The following CFAP61 variants were observed in gnomAD, a reference collection of about 807,000 sequenced individuals.
CFAP61 encodes the protein cilia- and flagella-associated protein 61.
CFAP61 carries 107 observed loss-of-function variants against 135.6 expected under a neutral mutation model. The observed-to-expected ratio is 0.79, with a 90% confidence interval of 0.67 to 0.93. The LOEUF is 0.93. Ranked by LOEUF, CFAP61 falls within the 40% of genes least tolerant of loss-of-function variation. The pLI is 0.00. For missense variants in CFAP61, 1,507 were observed against 1,556.2 expected (o/e 0.97, Z 0.53); for synonymous variants, 575 against 578.5 (o/e 0.99, Z 0.09).
rs368558429 is a variant in CFAP61 at position 20,231,449 on chromosome 20, C to CTGGTGAT, written c.2060+3074_2060+3080dup. On this transcript the variant is annotated intron_variant, in intron 18 of 26. Coordinates refer to ENST00000245957, the MANE Select transcript of CFAP61 (RefSeq NM_015585.4). ...CCTCCGTGCCCTCCTGCTCCTGGCCCTGGTGATCCCCAGCAGAGCCGAGGA... is the reference window on the plus strand; with the variant it reads ...CCTCCGTGCCCTCCTGCTCCTGGCCCTGGTGATTGGTGATCCCCAGCAGAGCCGAGGA... Among the ~76,000 whole-genome samples, 1,108 of 152,258 alleles carry CTGGTGAT rather than the reference C, an allele frequency of 7.3e-3. 14 individuals carry two copies. The highest frequency in any genetic ancestry group is 0.025 in the African/African-American group (1,057 of 41,524).
intron 22 of CFAP61, among the ~76,000 whole-genome samples, chr20:20,285,105 T>A (rs965763322): frequency 6.6e-6 from 1 of 152,044 alleles, no homozygotes. Context: ...TTGAAGATGC[T>A]TTTCCACCAT....
rs138324890 is a variant in CFAP61 at position 20,164,915 on chromosome 20, A to G, written c.1205+687A>G. Among the ~76,000 whole-genome samples the G allele has an allele frequency of 3.0e-3, 451 of 152,358 alleles. 2 individuals are homozygous for G. The highest frequency in any genetic ancestry group is 1.0e-2 in the African/African-American group (414 of 41,582). The stretch of plus-strand genomic sequence containing the variant: ...GCAGGCAAAGAGACAATGAGAGCCA[A>G]GTGAAAGGGGTTTCCCCTTATAAAA... On this transcript the variant is annotated intron_variant, in intron 11 of 26. Coordinates refer to ENST00000245957, the MANE Select transcript of CFAP61 (RefSeq NM_015585.4).
chr20:20,082,826 T>G (rs551970544), intron 6 of CFAP61, among the ~76,000 whole-genome samples: 6 of 152,218 alleles, frequency 3.9e-5, no homozygotes, highest in Non-Finnish European at 7.4e-5. Flanking sequence ...GGCCATAATT[T>G]AAAAGTCAAA....
chr20:20,360,195 T>C lies in CFAP61; in HGVS notation c.3514-15T>C, dbSNP rs751890393. The C allele has an allele frequency of 1.6e-5, 26 of 1,604,628 alleles. No individual in the cohort carries two copies. The highest frequency in any genetic ancestry group is 2.1e-5 in the Non-Finnish European group (25 of 1,171,616). ...CAATTAATTTCTGTATCTGGCCTCTTACTGTGTTTTACAGGAGGAAGATCT... is the reference window on the plus strand; with the variant it reads ...CAATTAATTTCTGTATCTGGCCTCTCACTGTGTTTTACAGGAGGAAGATCT... On this transcript the variant is annotated splice_polypyrimidine_tract_variant and intron_variant, in intron 26 of 26. Coordinates refer to ENST00000245957, the MANE Select transcript of CFAP61 (RefSeq NM_015585.4).
At chr20:20,244,669 T>C (rs1038216663) in intron 18 of CFAP61, among the ~76,000 whole-genome samples, 1 of 152,236 alleles carries the variant, frequency 6.6e-6, no homozygotes, top group Admixed American at 6.5e-5. Flanking sequence ...TTTTCCATTG[T>C]CTTGGGGATT....
chr20:20,123,958 T>C (rs887020992), intron 8 of CFAP61, among the ~76,000 whole-genome samples: 3 of 148,722 alleles, frequency 2.0e-5, no homozygotes, highest in African/African-American at 7.5e-5. Flanking sequence ...TTCTTGGTTA[T>C]GTATATTCCT....
At chr20:20,162,421 A>C (rs2053480797) in intron 10 of CFAP61, among the ~76,000 whole-genome samples, 1 of 152,170 alleles carries the variant, frequency 6.6e-6, no homozygotes, top group African/African-American at 2.4e-5. Flanking sequence ...GGCCCAAGGA[A>C]AATGCCTTCA....
At chr20:20,164,021 C>T in intron 10 of CFAP61, 29 bp from the exon 11 acceptor site, 4 of 1,569,314 alleles carry the variant, frequency 2.5e-6, no homozygotes, top group Non-Finnish European at 3.5e-6. Context: ...ACAGGATTCT[C>T]ATTGGCTCCT....
chr20:20,130,621 C>T lies in CFAP61; in HGVS notation c.860-12236C>T, dbSNP rs6112778. ...TGCTAGGTAGCTGCCTCCTTTTTGG[C>T]ACTAGATGGCACTTTAAGCCCAGGT... On this transcript the variant is annotated intron_variant, in intron 8 of 26. Transcript: ENST00000245957. Among the ~76,000 whole-genome samples, 245 of 151,740 alleles carry T rather than the reference C, an allele frequency of 1.6e-3. 5 individuals are homozygous for T. Among genetic ancestry groups the T allele is most frequent in the African/African-American group, 5.9e-3 (241 of 41,086 alleles).
intron 6 of CFAP61, among the ~76,000 whole-genome samples, chr20:20,079,990 A>G (rs2046322002): frequency 6.6e-6 from 1 of 152,308 alleles, no homozygotes; most frequent in South Asian, 2.1e-4. Context: ...TTTTTAAATT[A>G]CAAGAATCTC....
chr20:20,083,670 A>G (rs1365532909), intron 6 of CFAP61, among the ~76,000 whole-genome samples: 1 of 152,190 alleles, frequency 6.6e-6, no homozygotes, highest in African/African-American at 2.4e-5. Context: ...ATGAATAATT[A>G]TGAATATCCT....
At chr20:20,257,620 C>CAAAAAAAAAAAAA (rs147860452) in intron 20 of CFAP61, among the ~76,000 whole-genome samples, 7 of 58,070 alleles carry the variant, frequency 1.2e-4, no homozygotes, top group South Asian at 5.5e-4. Context: ...TCAAAAAAAA[C>CAAAAAAAAAAAAA]AAAAAAACAA....
intron 25 of CFAP61, among the ~76,000 whole-genome samples, chr20:20,338,384 G>A (rs1384411433): frequency 6.6e-6 from 1 of 152,228 alleles, no homozygotes; most frequent in Non-Finnish European, 1.5e-5. Flanking sequence ...TGTCAGCTGG[G>A]GAGCCTGTGA....
chr20:20,313,197 ATCTC>A (rs1272405151), intron 25 of CFAP61, among the ~76,000 whole-genome samples: 2 of 152,136 alleles, frequency 1.3e-5, no homozygotes, highest in Non-Finnish European at 2.9e-5. Context: ...TTCTCTCTCT[ATCTC>A]TCTCTCTGTC....
intron 25 of CFAP61, among the ~76,000 whole-genome samples, chr20:20,311,866 T>C (rs1185638180): frequency 1.3e-5 from 2 of 152,166 alleles, no homozygotes; most frequent in African/African-American, 4.8e-5. Context: ...ACGCTGCCTG[T>C]TCCCACCAGC....
At chr20:20,304,130 T>C (rs1272550623) in intron 25 of CFAP61, among the ~76,000 whole-genome samples, 1 of 152,168 alleles carries the variant, frequency 6.6e-6, no homozygotes, top group African/African-American at 2.4e-5. Flanking sequence ...CAGACAGCTG[T>C]CACGGGACCA....
chr20:20,161,406 A>G (rs1215152726), intron 10 of CFAP61, among the ~76,000 whole-genome samples: 1 of 152,234 alleles, frequency 6.6e-6, no homozygotes, highest in Non-Finnish European at 1.5e-5. Context: ...TAAAAAGGGC[A>G]CAAATCCACA....
At chr20:20,074,866 T>C (rs1271144015) in intron 4 of CFAP61, among the ~76,000 whole-genome samples, 1 of 152,164 alleles carries the variant, frequency 6.6e-6, no homozygotes, top group Non-Finnish European at 1.5e-5. Flanking sequence ...CAAGTCACTT[T>C]GTAATGTCAC....
rs571691046 is a variant in CFAP61 at position 20,126,955 on chromosome 20, G to A, written c.860-15902G>A. 2.2e-4 allele frequency among the ~76,000 whole-genome samples: 33 copies of A among 151,456 alleles called. No homozygotes were observed. In the South Asian group the frequency reaches 6.0e-3, roughly 28 times the overall value. On this transcript the variant is annotated intron_variant, in intron 8 of 26. Transcript: ENST00000245957. ...TGTTTTTGTTGGATTGGGTTAATTC[G>A]AAGATGTTGTCTTTGAACTCTGAAT...
Sources: allele counts gnomAD v4.1 joint callset (sites outside exome capture counted in the v4.1 genomes callset), GRCh38; gene constraint gnomAD v4.1.1; transcripts MANE v1.5; gene names NCBI Gene and HGNC (gene_info 2026-07-23, HGNC 2026-07-21).